EYS: variants seen among roughly 807,000 people sequenced by gnomAD.
EYS encodes the protein EGF-like photoreceptor maintenance factor.
In EYS, 250 loss-of-function variants were observed where a neutral mutation model predicts 282.1. The ratio of observed to expected loss-of-function variants is 0.89; its 90% confidence interval spans 0.80 to 0.98. The LOEUF (loss-of-function observed/expected upper bound fraction) is 0.98. Among genes scored for constraint, EYS ranks in the 50% least tolerant of loss-of-function variants. EYS has a pLI of 0.00. For synonymous variants in EYS, 1,355 were observed against 1,282.9 expected, an observed-to-expected ratio of 1.06 and a Z score of -1.20; for missense variants, 4,016 against 3,709.0, an observed-to-expected ratio of 1.08 and a Z score of -2.15.
intron 26 of EYS, among the ~76,000 whole-genome samples, chr6:64,562,929 C>G (rs910037831): frequency 6.6e-6 from 1 of 151,840 alleles, no homozygotes; most frequent in Admixed American, 6.6e-5. Context: ...GAATTATTCT[C>G]TATAAATTGC....
intron 22 of EYS, among the ~76,000 whole-genome samples, chr6:64,757,532 T>A (rs1481340057): frequency 6.6e-6 from 1 of 152,122 alleles, no homozygotes; most frequent in Non-Finnish European, 1.5e-5. Context: ...GTAGAAAAAC[T>A]ATGCTATCAC....
intron 2 of EYS, among the ~76,000 whole-genome samples, chr6:65,577,749 T>TAAA (rs147331700): frequency 2.1e-4 from 24 of 114,438 alleles, no homozygotes; most frequent in African/African-American, 8.2e-4. Context: ...AAAGCCTGTT[T>TAAA]TAAAAAAAAA....
chr6:64,305,148 T>A (rs1367893520), intron 30 of EYS, among the ~76,000 whole-genome samples: 1 of 152,198 alleles, frequency 6.6e-6, no homozygotes, highest in Non-Finnish European at 1.5e-5. Context: ...TTGTAATTAC[T>A]TTTTCAGATT....
rs997236558 is a variant in EYS, at chr6:64,376,358, G to A, written c.6078+12332C>T. Among the ~76,000 whole-genome samples the A allele has an allele frequency of 4.5e-4, 68 of 152,080 alleles. 1 individual carries two copies. The highest frequency in any genetic ancestry group is 1.6e-3 in the African/African-American group (66 of 41,406). On this transcript the variant is annotated intron_variant, in intron 29 of 42. Transcript: ENST00000503581. ...AAAGATACAGACAAAATGGGGTCTGGGGACAACTACATGGAATTACAACCC... is the reference window on the plus strand; with the variant it reads ...AAAGATACAGACAAAATGGGGTCTGAGGACAACTACATGGAATTACAACCC...
intron 2 of EYS, among the ~76,000 whole-genome samples, chr6:65,547,057 C>T (rs916139503): frequency 2.0e-5 from 3 of 151,790 alleles, no homozygotes; most frequent in Non-Finnish European, 4.4e-5. Context: ...AATGCCACTA[C>T]GAAAAAACTG....
chr6:64,978,430 C>G (rs1770542621), intron 14 of EYS, among the ~76,000 whole-genome samples: 1 of 151,918 alleles, frequency 6.6e-6, no homozygotes, highest in Admixed American at 6.6e-5. Context: ...CAAAATATTA[C>G]TGTGCTTTGA....
intron 24 of EYS, among the ~76,000 whole-genome samples, chr6:64,612,148 G>A (rs1265680821): frequency 1.3e-5 from 2 of 152,092 alleles, no homozygotes; most frequent in African/African-American, 2.4e-5. Flanking sequence ...CAAATAGGCT[G>A]TCCTTCTGTA....
At chr6:65,042,940 G>A (rs533982986) in intron 13 of EYS, among the ~76,000 whole-genome samples, 10 of 151,392 alleles carry the variant, frequency 6.6e-5, no homozygotes, top group African/African-American at 2.4e-4. Context: ...GGGAAGCACT[G>A]GCCTCGGTTA....
At chr6:63,993,015 T>C (rs1195273892) in intron 34 of EYS, among the ~76,000 whole-genome samples, 4 of 151,872 alleles carry the variant, frequency 2.6e-5, no homozygotes, top group Middle Eastern at 3.4e-3. Flanking sequence ...GCGTTCATTC[T>C]CCTTCCTGCC....
chr6:64,042,307 A>G lies in EYS; in HGVS notation c.6725+24031T>C, dbSNP rs141446030. On this transcript the variant is annotated intron_variant, in intron 33 of 42. Coordinates refer to ENST00000503581, the MANE Select transcript of EYS (RefSeq NM_001142800.2). ...CAATTTTTACATAAATGTGCATGCA[A>G]TGCCTTGCTTCTCAGTTAGTAACAG... is the stretch of plus-strand genomic sequence containing the variant. Among the ~76,000 whole-genome samples, 957 of 152,322 alleles carry G rather than the reference A, an allele frequency of 6.3e-3. 12 individuals are homozygous for G. The highest frequency in any genetic ancestry group is 0.022 in the African/African-American group (901 of 41,580).
intron 31 of EYS, among the ~76,000 whole-genome samples, chr6:64,202,986 C>T (rs994989512): frequency 6.6e-6 from 1 of 152,122 alleles, no homozygotes; most frequent in Non-Finnish European, 1.5e-5. Flanking sequence ...TTTTAAGTAA[C>T]TCAGTTATGG....
intron 32 of EYS, among the ~76,000 whole-genome samples, chr6:64,067,303 A>G (rs918665721): frequency 1.3e-5 from 2 of 152,112 alleles, no homozygotes; most frequent in Non-Finnish European, 2.9e-5. Flanking sequence ...AAGTAATCAC[A>G]AAGTGAACCC....
At position 63,787,544 on chromosome 6, in the gene EYS, TTAAC is replaced by T. The variant is rs1333676073; in HGVS notation, c.7723+557_7723+560del. Among the ~76,000 whole-genome samples the T allele has an allele frequency of 3.3e-5, 5 of 152,234 alleles. No homozygotes were observed. The East Asian group carries it at 7.7e-4, about 23-fold the overall frequency. Reference sequence around the variant, plus strand: ...CTTATCACATTATATGACTATATAATTAACTAATTACATTTAGTGTTTATCTCTC... The same window carrying T: ...CTTATCACATTATATGACTATATAATTAATTACATTTAGTGTTTATCTCTC... On this transcript the variant is annotated intron_variant, in intron 39 of 42. Coordinates refer to ENST00000503581, the MANE Select transcript of EYS (RefSeq NM_001142800.2).
At chr6:65,590,039 G>A (rs1440690669) in intron 2 of EYS, among the ~76,000 whole-genome samples, 1 of 151,982 alleles carries the variant, frequency 6.6e-6, no homozygotes, top group East Asian at 1.9e-4. Context: ...ATATAAGAAA[G>A]AAAGAAAGGA....
chr6:65,240,573 AG>A (rs1333444944), intron 12 of EYS, among the ~76,000 whole-genome samples: 1 of 152,156 alleles, frequency 6.6e-6, no homozygotes, highest in Non-Finnish European at 1.5e-5. Flanking sequence ...ACCTTAAGAC[AG>A]TGGCCTCCAG....
At chr6:63,947,929 G>A (rs1349035301) in intron 35 of EYS, among the ~76,000 whole-genome samples, 2 of 152,166 alleles carry the variant, frequency 1.3e-5, no homozygotes, top group African/African-American at 2.4e-5. Flanking sequence ...AAGGTTTTTA[G>A]TAATAAGTCT....
At chr6:63,751,678 A>T (rs752911620) in intron 41 of EYS, among the ~76,000 whole-genome samples, 2 of 152,188 alleles carry the variant, frequency 1.3e-5, no homozygotes. Context: ...TTCTTTGCTG[A>T]AGGAATGGAT....
intron 5 of EYS, among the ~76,000 whole-genome samples, chr6:65,418,825 T>C (rs1767343293): frequency 6.6e-6 from 1 of 151,984 alleles, no homozygotes; most frequent in Admixed American, 6.6e-5. Flanking sequence ...TCCCATTTTT[T>C]TAGAAGAAAT....
intron 28 of EYS, among the ~76,000 whole-genome samples, chr6:64,413,551 A>G (rs1773972869): frequency 7.0e-6 from 1 of 143,720 alleles, no homozygotes; most frequent in African/African-American, 2.6e-5. Context: ...AACAACAACA[A>G]CAACAACAAA....
Sources: gnomAD v4.1 joint callset for allele counts (sites outside exome capture counted in the v4.1 genomes callset) on GRCh38, gnomAD v4.1.1 for gene constraint, MANE v1.5 for transcripts, NCBI Gene and HGNC (gene_info 2026-07-23, HGNC 2026-07-21) for gene names.